Variants in HAGH observed in about 807,000 individuals in gnomAD.
HAGH encodes the protein hydroxyacylglutathione hydrolase, mitochondrial.
Under a neutral mutation model 35.1 loss-of-function variants are expected in HAGH, and 29 were observed. The observed-to-expected ratio is 0.83, with a 90% CI of 0.62 to 1.13. HAGH has a LOEUF of 1.13. HAGH is among the 50% of genes most tolerant of loss of function. The pLI, the probability that HAGH is intolerant of heterozygous loss-of-function variation, is 0.00. For synonymous variants in HAGH, 225 were observed against 176.1 expected (o/e 1.28, Z -2.20); for missense variants, 478 against 419.6 (o/e 1.14, Z -1.22).
chr16:1,818,487 G>A (rs1258218144), intron 5 of HAGH: 2 of 152,370 alleles, frequency 1.3e-5, no homozygotes, highest in Non-Finnish European at 2.9e-5. Context: ...CAAGGCTGGG[G>A]CTGCCACCTC....
chr16:1,824,327 C>T (rs1470940837), intron 1 of HAGH, among the ~76,000 whole-genome samples: 1 of 80,868 alleles, frequency 1.2e-5, no homozygotes, highest in Non-Finnish European at 2.5e-5. Flanking sequence ...CCACAACTGC[C>T]CCCAGATTCA....
In HAGH at chr16:1,818,172, T is replaced by C. The variant is rs780821710; in HGVS notation, c.542-901A>G. Among the ~76,000 whole-genome samples the C allele has an allele frequency of 4.6e-5, 7 of 152,182 alleles. No homozygotes were observed. In the East Asian group the frequency reaches 1.2e-3, roughly 25 times the overall value. On this transcript the variant is annotated intron_variant, in intron 5 of 8. Transcript: ENST00000397356. ...GGCTTCTGCTCCACAGGGCTGTCCT[T>C]GCGCCAGGCACACAGCCCAGGAGGC...
At chr16:1,822,497 C>A in intron 2 of HAGH, 133 bp from the exon 3 acceptor site, 2 of 735,524 alleles carry the variant, frequency 2.7e-6, no homozygotes, top group Non-Finnish European at 4.9e-6. Flanking sequence ...CCTGACCCTG[C>A]CAGCTTGCCC....
intron 7 of HAGH, among the ~76,000 whole-genome samples, chr16:1,814,818 A>G (rs1897814957): frequency 6.6e-6 from 1 of 151,930 alleles, no homozygotes; most frequent in Admixed American, 6.6e-5. Context: ...GAATGGCTTG[A>G]ACCCGGGAGG....
intron 1 of HAGH, among the ~76,000 whole-genome samples, chr16:1,825,919 C>T (rs538609401): frequency 4.5e-4 from 69 of 152,268 alleles, no homozygotes; most frequent in African/African-American, 1.6e-3. Context: ...TTGAACTGGG[C>T]GGCACCAAAT....
intron 7 of HAGH, among the ~76,000 whole-genome samples, chr16:1,814,582 G>A (rs1897803297): frequency 6.6e-6 from 1 of 152,046 alleles, no homozygotes; most frequent in South Asian, 2.1e-4. Flanking sequence ...CAAGCCATGA[G>A]CTGGGAGAGA....
chr16:1,817,736 CTCAGG>C (rs150490265), intron 5 of HAGH, among the ~76,000 whole-genome samples: 7,995 of 152,336 alleles, frequency 0.052, 237 homozygotes, highest in East Asian at 0.12. Flanking sequence ...CGCTGGGCAC[CTCAGG>C]CGCACCCAGG....
At chr16:1,811,705 G>C (rs1359305762) in intron 7 of HAGH, among the ~76,000 whole-genome samples, 2 of 152,024 alleles carry the variant, frequency 1.3e-5, no homozygotes, top group African/African-American at 4.8e-5. Context: ...GACAGAGTGA[G>C]ACTCTGCCTC....
chr16:1,811,064 G>A lies in HAGH; in HGVS notation c.748-1231C>T, dbSNP rs137963666. 1.5e-4 allele frequency among the ~76,000 whole-genome samples: 23 copies of A among 152,290 alleles called. 1 individual carries two copies. The East Asian group carries it at 4.4e-3, about 29-fold the overall frequency. On this transcript the variant is annotated intron_variant, in intron 7 of 8. Transcript: ENST00000397356. Reference sequence around the variant, plus strand: ...AAGCTTTTAGGTTACCTATTAAAACGAGTTTTAATGTTCTAGCTATTTTTC... The same window carrying A: ...AAGCTTTTAGGTTACCTATTAAAACAAGTTTTAATGTTCTAGCTATTTTTC...
rs1414754198 is a variant in HAGH, at chr16:1,808,969, C to A, written c.*314G>T. ...AGTCCCATCAGCACCCAGCCAAGGC[C>A]ACAGCAAAGGCACCGGCTCACGCCT... On this transcript the variant is annotated 3_prime_UTR_variant, in exon 9 of 9. Coordinates refer to ENST00000397356, the MANE Select transcript of HAGH (RefSeq NM_005326.6). 8.7e-6 allele frequency: 3 copies of A among 345,336 alleles called. No homozygotes were observed. Among genetic ancestry groups the A allele is most frequent in the African/African-American group, 2.1e-5 (1 of 48,138 alleles). 21.4% of individuals were successfully genotyped at this position (345,336 alleles called of 1,614,324 possible). A position where few individuals can be genotyped will look rare whatever the true frequency, so the allele number is the denominator to read the frequency against.
chr16:1,821,419 C>T (rs1464760860), intron 3 of HAGH: 1 of 152,262 alleles, frequency 6.6e-6, no homozygotes, highest in Non-Finnish European at 1.5e-5. Flanking sequence ...AGGGCAGTGC[C>T]AGACGGGTCC....
chr16:1,819,912 G>T lies in HAGH; in HGVS notation c.417C>A (p.His139Gln), dbSNP rs745961423. 3.1e-6 allele frequency: 5 copies of T among 1,606,554 alleles called. No individual in the cohort carries two copies. In the Admixed American group the frequency reaches 6.7e-5, roughly 21 times the overall value. ...CACTCCTTACCTGCAGTGTGGACAGGTGAGTGATCTTGTGAGTCAGGGCCC... is the reference window on the plus strand; with the variant it reads ...CACTCCTTACCTGCAGTGTGGACAGTTGAGTGATCTTGTGAGTCAGGGCCC... ...RIGALTHKIT[H>Q]LSTLQVGSLN... Residue 139 changes from histidine (H) to glutamine (Q), a missense_variant, in exon 4 of 9, where the codon CAC becomes CAA. Transcript: ENST00000397356.
chr16:1,821,008 G>C (rs1044626325), intron 3 of HAGH, among the ~76,000 whole-genome samples: 2 of 152,196 alleles, frequency 1.3e-5, no homozygotes, highest in South Asian at 2.1e-4. Context: ...GAGAGGCAGG[G>C]AGCTGCAGCA....
At chr16:1,815,651 C>T (rs1344489642) in intron 7 of HAGH, among the ~76,000 whole-genome samples, 5 of 152,202 alleles carry the variant, frequency 3.3e-5, no homozygotes, top group Non-Finnish European at 7.3e-5. Flanking sequence ...GTAAGTTCCA[C>T]ATCTGGACTG....
chr16:1,809,815 C>T lies in HAGH; in HGVS notation c.766G>A (p.Glu256Lys), dbSNP rs1239109180. The T allele has an allele frequency of 1.2e-6, 2 of 1,613,390 alleles. No individual in the cohort carries two copies. Among genetic ancestry groups the T allele is most frequent in the Non-Finnish European group, 1.7e-6 (2 of 1,179,448 alleles). Residue 256 changes from glutamate to lysine, a missense_variant, in exon 8 of 9, where the codon GAG becomes AAG. Coordinates refer to ENST00000397356, the MANE Select transcript of HAGH (RefSeq NM_005326.6). ...AWAKEKYSIG[E>K]PTVPSTLAEE... The stretch of plus-strand genomic sequence containing the variant: ...GCCAGGGTGGATGGCACTGTGGGCT[C>T]CCCGATGCTGTACTTCTCCTGCAAG...
chr16:1,816,881 G>C lies in HAGH; in HGVS notation c.747+12C>G, dbSNP rs202245131. 1 of 1,571,616 alleles carries C rather than the reference G, an allele frequency of 6.4e-7. No homozygotes were observed. The highest frequency in any genetic ancestry group is 2.2e-5 in the East Asian group (1 of 44,656). ...CCACAGGAAGGCACTGCGCAGTGAC[G>C]GCCCCACTCACCTTGGCCCAGGCCA... is the stretch of plus-strand genomic sequence containing the variant. On this transcript the variant is annotated intron_variant, in intron 7 of 8. Coordinates refer to ENST00000397356, the MANE Select transcript of HAGH (RefSeq NM_005326.6).
chr16:1,809,173 G>A lies in HAGH; in HGVS notation c.*110C>T, dbSNP rs1897516869. On this transcript the variant is annotated 3_prime_UTR_variant, in exon 9 of 9. Coordinates refer to ENST00000397356, the MANE Select transcript of HAGH (RefSeq NM_005326.6). ...AGAATGTCCGATAACACAAGCCAAG[G>A]GCTGTAAAATTAAGGTTAAATCAAG... 2 of 716,414 alleles carry A rather than the reference G, an allele frequency of 2.8e-6. No homozygotes were observed. The highest frequency in any genetic ancestry group is 4.9e-6 in the Non-Finnish European group (2 of 408,248). The allele number at this position is 716,414 out of a possible 1,614,324, so 44.4% of individuals were successfully genotyped here. A position where few individuals can be genotyped will look rare whatever the true frequency, so the allele number is the denominator to read the frequency against.
chr16:1,826,171 G>GC (rs971905657), intron 1 of HAGH, among the ~76,000 whole-genome samples: 8 of 152,092 alleles, frequency 5.3e-5, no homozygotes, highest in Non-Finnish European at 1.0e-4. Context: ...CCCGCCCAGT[G>GC]CCCTGCGCTG....
At position 1,807,980 on chromosome 16, in the gene HAGH, CCA is replaced by C. The variant is rs1192633686; in HGVS notation, c.*1301_*1302del. The stretch of plus-strand genomic sequence containing the variant: ...GACCAGGTGGCAGAGGGTGTGGGCC[CCA>C]CACAGAGTCACCTCCCCTCACAGCT... On this transcript the variant is annotated 3_prime_UTR_variant, in exon 9 of 9. Transcript: ENST00000397356. 1.5e-4 allele frequency: 23 copies of C among 152,420 alleles called. 3 individuals are homozygous for C. The highest frequency in any genetic ancestry group is 1.0e-3 in the Admixed American group (16 of 15,314). The allele number at this position is 152,420 out of a possible 1,614,324, so 9.4% of individuals were successfully genotyped here.
Sources: gnomAD v4.1 joint callset for allele counts (sites outside exome capture counted in the v4.1 genomes callset) on GRCh38, gnomAD v4.1.1 for gene constraint, MANE v1.5 for transcripts, NCBI Gene and HGNC (gene_info 2026-07-23, HGNC 2026-07-21) for gene names.